The following LARP1 variants were observed in gnomAD, a reference collection of about 807,000 sequenced individuals.
The protein encoded by LARP1 is La ribonucleoprotein 1, translational regulator, also known as la-related protein 1.
Under a neutral mutation model 122.7 loss-of-function variants are expected in LARP1, and 36 were observed. The observed-to-expected ratio is 0.29, with a 90% CI of 0.22 to 0.39. The LOEUF (loss-of-function observed/expected upper bound fraction) is 0.39. Among genes scored for constraint, LARP1 ranks in the 10% least tolerant of loss-of-function variants. The pLI is 1.00. For synonymous variants in LARP1, 539 were observed against 528.7 expected, an observed-to-expected ratio of 1.02 and a Z score of -0.27; for missense variants, 1,040 against 1,403.6, an observed-to-expected ratio of 0.74 and a Z score of 4.14.
intron 1 of LARP1, among the ~76,000 whole-genome samples, chr5:154,722,074 G>T (rs2113353841): frequency 6.6e-6 from 1 of 152,264 alleles, no homozygotes; most frequent in East Asian, 1.9e-4. Flanking sequence ...CTGTGCCTCA[G>T]GCTGCCTTCC....
In LARP1 at chr5:154,755,811, C is replaced by G. The variant is rs995899710; in HGVS notation, c.54C>G (p.Ala18=). ...CTGGGGGCGCCACGCTCTTGCAGGC[C>G]GAAGAGCACGGGGGGCTGGTGAGGA... is the stretch of plus-strand genomic sequence containing the variant. ...LLPGGATLLQ[A]EEHGGLVRKK... Residue 18 remains alanine (A), a synonymous_variant, in exon 1 of 19, where the codon GCC becomes GCG. Coordinates refer to ENST00000518297, the MANE Select transcript of LARP1 (RefSeq NM_033551.3). 17 of 993,298 alleles carry G rather than the reference C, an allele frequency of 1.7e-5. No homozygotes were observed. The highest frequency in any genetic ancestry group is 6.1e-5 in the Admixed American group (1 of 16,372). 61.5% of individuals were successfully genotyped at this position (993,298 alleles called of 1,614,324 possible).
In LARP1 at chr5:154,728,209, A is replaced by G. The variant is rs140971494; in HGVS notation, c.205+15079A>G. 2.5e-3 allele frequency among the ~76,000 whole-genome samples: 382 copies of G among 152,310 alleles called. 1 individual carries two copies. Among genetic ancestry groups the G allele is most frequent in the African/African-American group, 9.0e-3 (375 of 41,560 alleles). ...TCTGTAGATTTAGCCCCTCTGGTGT[A>G]GGGCCAAGGAACCTTCTTTTAACAA... On this transcript the variant is annotated intron_variant, in intron 1 of 18. Coordinates refer to the LARP1 transcript ENST00000336314.
chr5:154,708,052 A>T (rs531480484), upstream of LARP1, among the ~76,000 whole-genome samples: 5 of 152,260 alleles, frequency 3.3e-5, no homozygotes, highest in South Asian at 1.0e-3. Flanking sequence ...CTTATTCACA[A>T]ATGGGTCGCG....
At chr5:154,776,388 T>TC (rs2113691741) in intron 1 of LARP1, among the ~76,000 whole-genome samples, 1 of 152,310 alleles carries the variant, frequency 6.6e-6, no homozygotes, top group South Asian at 2.1e-4. Flanking sequence ...CACTGTTGGT[T>TC]CCTGGTGCTG....
At chr5:154,756,578 C>T in intron 1 of LARP1, 1 of 843,630 alleles carries the variant, frequency 1.2e-6, no homozygotes, top group Non-Finnish European at 1.4e-6. Flanking sequence ...TCCCACCCCG[C>T]CCGGCGCTCC....
intron 1 of LARP1, among the ~76,000 whole-genome samples, chr5:154,747,067 G>A (rs191601469): frequency 6.6e-6 from 1 of 152,036 alleles, no homozygotes; most frequent in African/African-American, 2.4e-5. Flanking sequence ...GAGGCGGAGG[G>A]TGCAGTGAGC....
intron 17 of LARP1, 40 bp downstream of exon 17, chr5:154,811,396 TAG>T: frequency 6.3e-7 from 1 of 1,598,996 alleles, no homozygotes; most frequent in Non-Finnish European, 8.6e-7. Flanking sequence ...CCTGGTCATG[TAG>T]GCCTCCTCTT....
chr5:154,720,372 A>G (rs765604163), intron 1 of LARP1, among the ~76,000 whole-genome samples: 2 of 152,116 alleles, frequency 1.3e-5, no homozygotes, highest in Non-Finnish European at 2.9e-5. Flanking sequence ...CAAAATGCTG[A>G]CTTGAGTTAC....
chr5:154,719,456 A>G (rs985318277), intron 1 of LARP1, among the ~76,000 whole-genome samples: 7 of 152,248 alleles, frequency 4.6e-5, no homozygotes, highest in Admixed American at 4.6e-4. Context: ...TAAAATACAT[A>G]GGATGACAAA....
intron 15 of LARP1, among the ~76,000 whole-genome samples, chr5:154,807,722 T>C (rs1252578862): frequency 6.6e-6 from 1 of 152,118 alleles, no homozygotes; most frequent in East Asian, 1.9e-4. Context: ...ATCTAATTAC[T>C]AAAAGTTTTC....
chr5:154,774,062 T>G (rs534600829), intron 1 of LARP1, among the ~76,000 whole-genome samples: 2 of 152,018 alleles, frequency 1.3e-5, no homozygotes, highest in South Asian at 4.2e-4. Flanking sequence ...TTTTTTTTTT[T>G]TTGTTTCTCC....
intron 1 of LARP1, among the ~76,000 whole-genome samples, chr5:154,689,257 G>A (rs1228490198): frequency 6.6e-6 from 1 of 152,170 alleles, no homozygotes; most frequent in African/African-American, 2.4e-5. Flanking sequence ...TTTGAGACCA[G>A]CCTGGCCAAT....
chr5:154,731,428 G>A (rs1167543472), intron 1 of LARP1, among the ~76,000 whole-genome samples: 1 of 152,148 alleles, frequency 6.6e-6, no homozygotes, highest in East Asian at 1.9e-4. Flanking sequence ...CCGTATTGCT[G>A]TAGCCAGCCA....
intron 1 of LARP1, among the ~76,000 whole-genome samples, chr5:154,704,260 C>T (rs1300552790): frequency 1.3e-5 from 2 of 152,152 alleles, no homozygotes. Flanking sequence ...ATCCTAAGTC[C>T]GTTGACTGTG....
intron 1 of LARP1, among the ~76,000 whole-genome samples, chr5:154,687,806 A>C (rs1243143963): frequency 6.6e-6 from 1 of 152,080 alleles, no homozygotes; most frequent in Non-Finnish European, 1.5e-5. Context: ...CTGTCTCAAC[A>C]AAAAAAATTT....
At chr5:154,737,242 T>C (rs1039884369) in intron 1 of LARP1, among the ~76,000 whole-genome samples, 18 of 151,916 alleles carry the variant, frequency 1.2e-4, no homozygotes, top group Admixed American at 1.2e-3. Flanking sequence ...GGTTTCACCA[T>C]GTTGGCCAGG....
At position 154,803,667 on chromosome 5, in the gene LARP1, G is replaced by A. The variant is rs777931667; in HGVS notation, c.2361G>A (p.Arg787=). 1.4e-5 allele frequency: 22 copies of A among 1,614,140 alleles called. No individual in the cohort carries two copies. Among genetic ancestry groups the A allele is most frequent in the Non-Finnish European group, 1.6e-5 (19 of 1,180,038 alleles). The change falls in exon 13 of 19, where the codon CGG becomes CGA. Residue 787 remains arginine (R), a synonymous_variant. Coordinates refer to ENST00000518297, the MANE Select transcript of LARP1 (RefSeq NM_033551.3). This position sits in a 1 kb window ranked among gnomAD's most constrained non-coding sequence, Gnocchi z 4.4. ...ACACCAGGACCCCTCGCACTCCCCGGACACCACAGCTCAAAGACTCAAGCC... is the reference window on the plus strand; with the variant it reads ...ACACCAGGACCCCTCGCACTCCCCGAACACCACAGCTCAAAGACTCAAGCC... ...YRNTRTPRTP[R]TPQLKDSSQT...
At chr5:154,784,974 G>A (rs1436397242) in intron 1 of LARP1, among the ~76,000 whole-genome samples, 1 of 152,190 alleles carries the variant, frequency 6.6e-6, no homozygotes, top group Non-Finnish European at 1.5e-5. Flanking sequence ...TCTGTTCTGA[G>A]TAAAAAGTGG....
At position 154,755,892 on chromosome 5, in the gene LARP1, C is replaced by A; in HGVS notation, c.135C>A (p.Arg45=). The part of the protein sequence containing the change: ...GKGEPGPNDV[R]GGEPDGSARR... ...GCGAGCCCGGGCCAAACGACGTCCG[C>A]GGGGGGGAGCCGGACGGCAGCGCTC... is the stretch of plus-strand genomic sequence containing the variant. Residue 45 remains arginine (R), a synonymous_variant, in exon 1 of 19, where the codon CGC becomes CGA. Coordinates refer to ENST00000518297, the MANE Select transcript of LARP1 (RefSeq NM_033551.3). 2.0e-6 allele frequency: 2 copies of A among 1,011,122 alleles called. No individual in the cohort carries two copies. The highest frequency in any genetic ancestry group is 3.5e-5 in the South Asian group (1 of 28,442). The allele number at this position is 1,011,122 out of a possible 1,614,324, so 62.6% of individuals were successfully genotyped here.
Sources: gnomAD v4.1 joint callset for allele counts (sites outside exome capture counted in the v4.1 genomes callset) on GRCh38, gnomAD v4.1.1 for gene constraint, Gnocchi (gnomAD v3.1) non-coding constraint, MANE v1.5 for transcripts, NCBI Gene and HGNC (gene_info 2026-07-23, HGNC 2026-07-21) for gene names.